The following STK4 variants were observed in gnomAD, a reference collection of about 807,000 sequenced individuals.
STK4 encodes serine/threonine-protein kinase 4.
STK4 carries 30 observed loss-of-function variants against 64.9 expected under a neutral mutation model. The observed-to-expected ratio is 0.46, with a 90% CI of 0.35 to 0.63. The LOEUF is 0.63. Among genes scored for constraint, STK4 ranks in the 20% least tolerant of loss-of-function variants. The probability of loss-of-function intolerance (pLI) is 0.01; values close to 1 mark genes in which losing one functional copy is unlikely to be tolerated. For missense variants in STK4, 466 were observed against 598.5 expected (o/e 0.78, Z 2.31); for synonymous variants, 177 against 199.0 (o/e 0.89, Z 0.93).
chr20:45,050,196 G>C (rs1394223407), intron 10 of STK4, among the ~76,000 whole-genome samples: 1 of 152,188 alleles, frequency 6.6e-6, no homozygotes, highest in Non-Finnish European at 1.5e-5. Context: ...GACTGGGAAA[G>C]GGGGAGCCAG....
At chr20:45,006,730 T>C (rs1181416301) in intron 9 of STK4, among the ~76,000 whole-genome samples, 8 of 152,180 alleles carry the variant, frequency 5.3e-5, no homozygotes, top group Non-Finnish European at 1.0e-4. Flanking sequence ...AAGGGAATTG[T>C]ATTTCTAGAA....
Position 45,024,980 on chromosome 20 carries a change from T to C in STK4, c.1155T>C (p.Asp385=). ...EEEEGTMKRR[D]ETMQPAKPSF... ...ATTTTTCTTTGTTTTCAGGAAGGGA[T>C]GAGACCATGCAGCCTGCGAAACCAT... is the stretch of plus-strand genomic sequence containing the variant. Residue 385 remains aspartate, a synonymous_variant, in exon 10 of 11, where the codon GAT becomes GAC. Coordinates refer to ENST00000372806, the MANE Select transcript of STK4 (RefSeq NM_006282.5). 1 of 1,602,882 alleles carries C rather than the reference T, an allele frequency of 6.2e-7. No homozygotes were observed. Among genetic ancestry groups the C allele is most frequent in the Non-Finnish European group, 8.5e-7 (1 of 1,175,626 alleles).
At chr20:45,006,924 G>A (rs1279426326) in intron 9 of STK4, among the ~76,000 whole-genome samples, 4 of 152,156 alleles carry the variant, frequency 2.6e-5, no homozygotes, top group Non-Finnish European at 4.4e-5. Context: ...CTGCCTTAAA[G>A]CTAAAGTCCT....
chr20:45,029,622 G>A (rs2145395344), intron 10 of STK4, among the ~76,000 whole-genome samples: 1 of 152,164 alleles, frequency 6.6e-6, no homozygotes, highest in East Asian at 1.9e-4. Flanking sequence ...GGTTCTCAAA[G>A]TGGTCCCAGA....
chr20:45,041,315 A>G (rs1471915776), intron 10 of STK4, among the ~76,000 whole-genome samples: 2 of 149,816 alleles, frequency 1.3e-5, no homozygotes, highest in African/African-American at 5.1e-5. Context: ...GTATGCATGC[A>G]TGCATGCACG....
chr20:45,016,203 G>T (rs890051920), intron 9 of STK4, among the ~76,000 whole-genome samples: 1 of 152,168 alleles, frequency 6.6e-6, no homozygotes, highest in African/African-American at 2.4e-5. Context: ...TACATGTTTT[G>T]AGAATCTATT....
chr20:45,074,975 G>A, intron 10 of STK4, 43 bp from the exon 11 acceptor site: 1 of 1,612,032 alleles, frequency 6.2e-7, no homozygotes, highest in Non-Finnish European at 8.5e-7. Context: ...TTCTGCCACT[G>A]ACTTAAGCTT....
chr20:44,993,050 T>A (rs56305417), intron 5 of STK4, among the ~76,000 whole-genome samples: 5,372 of 152,210 alleles, frequency 0.035, 321 homozygotes, highest in African/African-American at 0.12. Context: ...TGTTTAAAAT[T>A]TCAACTTATT....
chr20:45,018,659 TCA>T (rs1353418316), intron 9 of STK4, among the ~76,000 whole-genome samples: 1 of 152,186 alleles, frequency 6.6e-6, no homozygotes, highest in East Asian at 1.9e-4. Flanking sequence ...TTTAGTTTAT[TCA>T]CAGAGTTGTG....
At chr20:45,036,730 A>G (rs770483898) in intron 10 of STK4, among the ~76,000 whole-genome samples, 11 of 152,166 alleles carry the variant, frequency 7.2e-5, no homozygotes, top group Non-Finnish European at 1.5e-4. Context: ...CTATTTTATT[A>G]TTAGTTATTG....
intron 10 of STK4, among the ~76,000 whole-genome samples, chr20:45,029,512 A>G (rs2068409056): frequency 6.6e-6 from 1 of 152,238 alleles, no homozygotes; most frequent in Non-Finnish European, 1.5e-5. Context: ...TGCTCTCCCA[A>G]CAAAGATCAA....
intron 4 of STK4, among the ~76,000 whole-genome samples, chr20:44,984,441 A>G (rs1478346975): frequency 1.3e-5 from 2 of 152,048 alleles, no homozygotes; most frequent in Admixed American, 1.3e-4. Flanking sequence ...TGACCTCGCA[A>G]TCTGCCTGCC....
intron 9 of STK4, among the ~76,000 whole-genome samples, chr20:45,021,919 T>C (rs2068255249): frequency 6.6e-6 from 1 of 152,182 alleles, no homozygotes; most frequent in Non-Finnish European, 1.5e-5. Flanking sequence ...CACGGAATTT[T>C]TCAAAGCTGC....
chr20:44,998,512 C>T (rs1455540205), intron 7 of STK4, among the ~76,000 whole-genome samples: 2 of 152,088 alleles, frequency 1.3e-5, no homozygotes, highest in Non-Finnish European at 2.9e-5. Flanking sequence ...GACCCAGTGC[C>T]CCCTTTTTAT....
chr20:45,036,160 C>T (rs998540111), intron 10 of STK4, among the ~76,000 whole-genome samples: 1 of 152,108 alleles, frequency 6.6e-6, no homozygotes, highest in African/African-American at 2.4e-5. Flanking sequence ...TAAATTAGCT[C>T]GATTGAGCCA....
intron 5 of STK4, 95 bp from the exon 6 acceptor site, chr20:44,994,992 GTTT>G: frequency 5.1e-6 from 4 of 781,482 alleles, no homozygotes; most frequent in Non-Finnish European, 3.5e-6. Flanking sequence ...TTTCTCAGTA[GTTT>G]TTTTTTTTTT....
intron 10 of STK4, among the ~76,000 whole-genome samples, chr20:45,054,577 T>TC (rs1978323698): frequency 8.0e-6 from 1 of 125,530 alleles, no homozygotes; most frequent in African/African-American, 3.0e-5. Flanking sequence ...TTTTTTTTTT[T>TC]CAAAAAAAAA....
At chr20:44,990,234 G>A (rs948576584) in intron 5 of STK4, among the ~76,000 whole-genome samples, 1 of 152,076 alleles carries the variant, frequency 6.6e-6, no homozygotes, top group Non-Finnish European at 1.5e-5. Context: ...TTTATAATTT[G>A]CAGTGTACAA....
In STK4 at chr20:44,968,135, C is replaced by A. The variant is rs144661204; in HGVS notation, c.35+1532C>A. ...ATGTCTATGGGGTCTGGTCCAAAGT[C>A]CATGTTCTTTTTTTTTTTTTGAGAC... On this transcript the variant is annotated intron_variant, in intron 1 of 10. Transcript: ENST00000372806. 2.7e-5 allele frequency among the ~76,000 whole-genome samples: 4 copies of A among 150,694 alleles called. No individual in the cohort carries two copies. The East Asian group carries it at 8.0e-4, about 30-fold the overall frequency.
Sources: gnomAD v4.1 joint callset for allele counts (sites outside exome capture counted in the v4.1 genomes callset) on GRCh38, gnomAD v4.1.1 for gene constraint, MANE v1.5 for transcripts, NCBI Gene and HGNC (gene_info 2026-07-23, HGNC 2026-07-21) for gene names.